NWD2: variants seen among roughly 807,000 people sequenced by gnomAD.
The protein encoded by NWD2 is NACHT and WD repeat domain containing 2, also known as NACHT and WD repeat domain-containing protein 2.
In NWD2, 37 loss-of-function variants were observed where a neutral mutation model predicts 132.7. That is an observed-to-expected ratio of 0.28 (90% CI 0.21 to 0.37). The LOEUF is 0.37. Among genes scored for constraint, NWD2 ranks in the 10% least tolerant of loss-of-function variants. NWD2 has a pLI of 1.00. For synonymous variants in NWD2, 705 were observed against 803.0 expected, an observed-to-expected ratio of 0.88 and a Z score of 2.06; for missense variants, 1,592 against 2,122.4, an observed-to-expected ratio of 0.75 and a Z score of 4.91.
In NWD2 at chr4:37,325,961, A is replaced by C. The variant is rs73130327; in HGVS notation, c.177A>C (p.Leu59=). The change falls in exon 2 of 7, where the codon CTA becomes CTC. Residue 59 remains leucine (L), a synonymous_variant. Transcript: ENST00000309447. ...ATACGGGAGCAGAAAGACAGGCGCT[A>C]AGAGAAAATGTATATCCTAAACTGA... is the stretch of plus-strand genomic sequence containing the variant. The part of the protein sequence containing the change: ...PEDTGAERQA[L]RENVYPKLRE... The C allele has an allele frequency of 0.12, 191,436 of 1,544,518 alleles. 12,606 individuals are homozygous for C. Among genetic ancestry groups the C allele is most frequent in the East Asian group, 0.17 (6,964 of 40,774 alleles).
intron 1 of NWD2, among the ~76,000 whole-genome samples, chr4:37,269,054 C>A (rs1717817212): frequency 6.6e-6 from 1 of 151,750 alleles, no homozygotes; most frequent in Non-Finnish European, 1.5e-5. Context: ...AAGCCTAGTT[C>A]TTGAGGAATC....
chr4:37,257,470 T>C (rs1245207316), intron 1 of NWD2, among the ~76,000 whole-genome samples: 1 of 152,148 alleles, frequency 6.6e-6, no homozygotes, highest in Non-Finnish European at 1.5e-5. Flanking sequence ...GGAGCAATAA[T>C]ACCTATCTCA....
chr4:37,397,166 C>T (rs1432901791), intron 3 of NWD2, among the ~76,000 whole-genome samples: 1 of 152,068 alleles, frequency 6.6e-6, no homozygotes, highest in Non-Finnish European at 1.5e-5. Context: ...ACTTTTTAGT[C>T]AGCCCAGCAG....
At chr4:37,400,025 T>C (rs1720870963) in intron 3 of NWD2, among the ~76,000 whole-genome samples, 1 of 152,228 alleles carries the variant, frequency 6.6e-6, no homozygotes, top group South Asian at 2.1e-4. Flanking sequence ...AAGTAGCAGG[T>C]AACTGGAGTT....
At chr4:37,302,924 T>C (rs1391123299) in intron 1 of NWD2, among the ~76,000 whole-genome samples, 2 of 152,182 alleles carry the variant, frequency 1.3e-5, no homozygotes, top group Non-Finnish European at 2.9e-5. Flanking sequence ...ACTCTGTTGA[T>C]TTATTCTTGT....
At chr4:37,266,909 G>C (rs916633557) in intron 1 of NWD2, among the ~76,000 whole-genome samples, 3 of 151,952 alleles carry the variant, frequency 2.0e-5, no homozygotes, top group Non-Finnish European at 4.4e-5. Flanking sequence ...TAACACAAAA[G>C]ATATCTCGAG....
intron 1 of NWD2, among the ~76,000 whole-genome samples, chr4:37,272,221 T>G (rs1376158033): frequency 6.6e-6 from 1 of 151,744 alleles, no homozygotes; most frequent in Non-Finnish European, 1.5e-5. Context: ...ATTTTAAGGA[T>G]CTTTTTGTTT....
At chr4:37,381,983 A>G (rs558243647) in intron 3 of NWD2, among the ~76,000 whole-genome samples, 2 of 152,318 alleles carry the variant, frequency 1.3e-5, no homozygotes, top group South Asian at 2.1e-4. Flanking sequence ...AGTCTAATTC[A>G]GAGACATTCG....
chr4:37,274,900 C>CTG (rs1243016599), intron 1 of NWD2, among the ~76,000 whole-genome samples: 1 of 150,896 alleles, frequency 6.6e-6, no homozygotes, highest in African/African-American at 2.4e-5. Flanking sequence ...GCTAAAAACT[C>CTG]AATAAATTAG....
intron 2 of NWD2, among the ~76,000 whole-genome samples, chr4:37,354,729 G>T (rs923279858): frequency 2.0e-5 from 3 of 152,204 alleles, no homozygotes; most frequent in Admixed American, 6.5e-5. Context: ...CCCAAGGGTG[G>T]TGAGATGGAA....
At chr4:37,410,232 C>T (rs531851679) in intron 3 of NWD2, among the ~76,000 whole-genome samples, 1 of 152,206 alleles carries the variant, frequency 6.6e-6, no homozygotes, top group Admixed American at 6.5e-5. Flanking sequence ...AGTCAAGACC[C>T]ATCAGTGTGT....
At chr4:37,388,613 AATAT>A (rs1237835392) in intron 3 of NWD2, among the ~76,000 whole-genome samples, 9 of 130,388 alleles carry the variant, frequency 6.9e-5, no homozygotes, top group Non-Finnish European at 1.3e-4. Context: ...TATTGTGGAA[AATAT>A]ATATTTATGT....
intron 1 of NWD2, among the ~76,000 whole-genome samples, chr4:37,321,678 C>T (rs184190652): frequency 6.6e-5 from 10 of 152,208 alleles, no homozygotes; most frequent in East Asian, 5.8e-4. Flanking sequence ...CCAGATTTGC[C>T]GTTGGTATGA....
intron 1 of NWD2, among the ~76,000 whole-genome samples, chr4:37,297,852 A>T (rs1776556): frequency 0.31 from 46,393 of 152,004 alleles, 7,426 homozygotes; most frequent in Middle Eastern, 0.42. Context: ...AGGAACATGA[A>T]GTTGGTTTGT....
rs147739605 is a variant in NWD2 at position 37,253,591 on chromosome 4, T to C, written c.151+8373T>C. ...CCTCGTTACATCACAGCCCATTACC[T>C]CATATAAAGAAGACAATGAGGTACA... On this transcript the variant is annotated intron_variant, in intron 1 of 6. Transcript: ENST00000309447. Among the ~76,000 whole-genome samples, 86 of 152,234 alleles carry C rather than the reference T, an allele frequency of 5.6e-4. No homozygotes were observed. The East Asian group carries it at 0.013, about 23-fold the overall frequency.
chr4:37,311,481 G>T (rs1405034194), intron 1 of NWD2, among the ~76,000 whole-genome samples: 1 of 150,732 alleles, frequency 6.6e-6, no homozygotes, highest in African/African-American at 2.5e-5. Flanking sequence ...TGATGGGGTT[G>T]TTTGTTTTTT....
chr4:37,350,304 T>C (rs9685876), intron 2 of NWD2, among the ~76,000 whole-genome samples: 52,193 of 152,122 alleles, frequency 0.34, 10,253 homozygotes, highest in Middle Eastern at 0.5. Context: ...TATTGATTCT[T>C]CCTATCCATG....
chr4:37,336,767 C>T (rs1343123382), intron 2 of NWD2, among the ~76,000 whole-genome samples: 3 of 151,676 alleles, frequency 2.0e-5, no homozygotes, highest in Admixed American at 6.6e-5. Flanking sequence ...GGTGAAACCC[C>T]GTCTCTACTA....
intron 2 of NWD2, among the ~76,000 whole-genome samples, chr4:37,331,871 C>T (rs1452765746): frequency 6.6e-6 from 1 of 152,060 alleles, no homozygotes; most frequent in Non-Finnish European, 1.5e-5. Flanking sequence ...AATCTGTGTG[C>T]TTGGTGAAGG....
Sources: allele counts gnomAD v4.1 joint callset (sites outside exome capture counted in the v4.1 genomes callset), GRCh38; gene constraint gnomAD v4.1.1; transcripts MANE v1.5; gene names NCBI Gene and HGNC (gene_info 2026-07-23, HGNC 2026-07-21).